AVEN: variants seen among roughly 807,000 people sequenced by gnomAD.
AVEN encodes the protein apoptosis and caspase activation inhibitor.
AVEN carries 41 observed loss-of-function variants against 38.1 expected under a neutral mutation model. That is an observed-to-expected ratio of 1.08 (90% CI 0.84 to 1.40). The LOEUF (loss-of-function observed/expected upper bound fraction) is 1.40. Among genes scored for constraint, AVEN ranks in the 40% most tolerant of loss-of-function variants. The pLI is 0.00. For synonymous variants in AVEN, 206 were observed against 171.8 expected, an observed-to-expected ratio of 1.20 and a Z score of -1.56; for missense variants, 605 against 438.8, an observed-to-expected ratio of 1.38 and a Z score of -3.38.
chr15:33,935,498 G>A (rs28454003), intron 2 of AVEN, among the ~76,000 whole-genome samples: 5,828 of 112,972 alleles, frequency 0.052, 239 homozygotes, highest in African/African-American at 0.14. Context: ...GTATATATAT[G>A]TATATATGTG....
At chr15:33,883,068 AAGG>A (rs1458468401) in intron 2 of AVEN, among the ~76,000 whole-genome samples, 4 of 152,312 alleles carry the variant, frequency 2.6e-5, no homozygotes, top group African/African-American at 9.6e-5. Context: ...AGGGGCTGAT[AAGG>A]AGATCAAGTT....
At chr15:34,054,921 G>A (rs1483648885) in intron 5 of AVEN, among the ~76,000 whole-genome samples, 5 of 152,168 alleles carry the variant, frequency 3.3e-5, no homozygotes, top group African/African-American at 1.2e-4. Context: ...AGCTGGGTGC[G>A]GTGGCTCACA....
At chr15:34,050,092 T>C (rs1899880728) in intron 5 of AVEN, among the ~76,000 whole-genome samples, 1 of 151,942 alleles carries the variant, frequency 6.6e-6, no homozygotes, top group Admixed American at 6.6e-5. Context: ...TTCACCTTGT[T>C]GGTCAGGCTG....
At chr15:33,866,210 AGAAAG>A (rs531226824), downstream of AVEN, 36 of 180,668 alleles carry the variant, frequency 2.0e-4, no homozygotes, top group South Asian at 2.2e-3. Context: ...GCCCCACACA[AGAAAG>A]GAAAGGAAAA....
At chr15:33,858,646 G>GTTCT (rs1273971445), downstream of AVEN, 1 of 87,448 alleles carries the variant, frequency 1.1e-5, no homozygotes. Flanking sequence ...CCAGTCGGAG[G>GTTCT]TTCTTTGCGG....
intron 2 of AVEN, among the ~76,000 whole-genome samples, chr15:33,978,257 A>G (rs1056962382): frequency 6.6e-6 from 1 of 152,206 alleles, no homozygotes; most frequent in African/African-American, 2.4e-5. Context: ...TCCTCTGAAC[A>G]TGTGTGGTAC....
intron 2 of AVEN, among the ~76,000 whole-genome samples, chr15:33,988,976 C>T (rs1197405991): frequency 6.6e-6 from 1 of 151,876 alleles, no homozygotes; most frequent in Non-Finnish European, 1.5e-5. Context: ...TTTCCTTTGT[C>T]TTTACAGCTT....
chr15:34,015,758 A>T (rs1054892283), intron 1 of AVEN, among the ~76,000 whole-genome samples: 3 of 152,212 alleles, frequency 2.0e-5, no homozygotes, highest in Admixed American at 1.3e-4. Context: ...TCTCACACGG[A>T]TCTTCACTCC....
chr15:33,967,389 G>T (rs1597284853), intron 2 of AVEN, among the ~76,000 whole-genome samples: 1 of 152,048 alleles, frequency 6.6e-6, no homozygotes, highest in Non-Finnish European at 1.5e-5. Context: ...AATGTGTTAG[G>T]TGTGATAATG....
chr15:33,947,514 G>T (rs1894553133), intron 2 of AVEN, among the ~76,000 whole-genome samples: 1 of 152,156 alleles, frequency 6.6e-6, no homozygotes, highest in African/African-American at 2.4e-5. Context: ...GGAGGGAGAG[G>T]TTGGTTCCAG....
rs139967861 is a variant in AVEN, at chr15:33,964,891, C to T, written c.445+38141G>A. 1.4e-3 allele frequency among the ~76,000 whole-genome samples: 220 copies of T among 152,296 alleles called. 1 individual carries two copies. In the East Asian group the frequency reaches 0.035, roughly 24 times the overall value. ...GAGACGCCACTCTTTCAACATTATACTGGGAGTCTCACGCTTAAGTTGAAT... is the reference window on the plus strand; with the variant it reads ...GAGACGCCACTCTTTCAACATTATATTGGGAGTCTCACGCTTAAGTTGAAT... On this transcript the variant is annotated intron_variant, in intron 2 of 5. Coordinates refer to ENST00000306730, the MANE Select transcript of AVEN (RefSeq NM_020371.3).
At chr15:33,886,862 G>A (rs1891723824) in intron 2 of AVEN, among the ~76,000 whole-genome samples, 1 of 152,168 alleles carries the variant, frequency 6.6e-6, no homozygotes, top group South Asian at 2.1e-4. Context: ...TCCCCCTATT[G>A]CTCTGCCATG....
chr15:33,920,142 T>C (rs1893337033), intron 2 of AVEN, among the ~76,000 whole-genome samples: 2 of 152,160 alleles, frequency 1.3e-5, no homozygotes, highest in African/African-American at 4.8e-5. Flanking sequence ...AACAGGGTGC[T>C]AGAGTCAACC....
intron 2 of AVEN, among the ~76,000 whole-genome samples, chr15:33,938,448 C>T (rs1894182475): frequency 6.6e-6 from 1 of 151,490 alleles, no homozygotes; most frequent in Non-Finnish European, 1.5e-5. Context: ...GAGCAAGACT[C>T]CGTCTTGAAA....
chr15:33,917,971 AAT>A (rs1232945159), intron 2 of AVEN, among the ~76,000 whole-genome samples: 12 of 152,304 alleles, frequency 7.9e-5, no homozygotes, highest in African/African-American at 2.6e-4. Context: ...AGAAAAGAAA[AAT>A]ATATGATTCT....
intron 2 of AVEN, among the ~76,000 whole-genome samples, chr15:33,916,602 A>T (rs1461167455): frequency 1.3e-5 from 2 of 152,166 alleles, no homozygotes; most frequent in African/African-American, 4.8e-5. Flanking sequence ...CAACATCACT[A>T]ATGATCAGGG....
At chr15:34,057,643 A>G in intron 5 of AVEN, among the ~76,000 whole-genome samples, 1 of 152,178 alleles carries the variant, frequency 6.6e-6, no homozygotes, top group East Asian at 1.9e-4. Context: ...GTCATACAGT[A>G]AGTTGGAGCC....
downstream of AVEN, among the ~76,000 whole-genome samples, chr15:33,863,362 A>G (rs1597133723): frequency 6.6e-6 from 1 of 152,184 alleles, no homozygotes; most frequent in Non-Finnish European, 1.5e-5. Flanking sequence ...GTGGGCCAGG[A>G]CCTGACGCTC....
At chr15:34,061,519 A>G (rs1567493382) in intron 5 of AVEN, among the ~76,000 whole-genome samples, 2 of 152,198 alleles carry the variant, frequency 1.3e-5, no homozygotes. Flanking sequence ...TTGTATTTAA[A>G]TATTTATTTA....
Sources: allele counts gnomAD v4.1 joint callset (sites outside exome capture counted in the v4.1 genomes callset), GRCh38; gene constraint gnomAD v4.1.1; transcripts MANE v1.5; gene names NCBI Gene and HGNC (gene_info 2026-07-23, HGNC 2026-07-21).